PDHX: variants seen among roughly 807,000 people sequenced by gnomAD.
PDHX encodes pyruvate dehydrogenase protein X component, mitochondrial.
Under a neutral mutation model 55.3 loss-of-function variants are expected in PDHX, and 33 were observed. The observed-to-expected ratio is 0.60, with a 90% CI of 0.45 to 0.80. The LOEUF is 0.80. Among genes scored for constraint, PDHX ranks in the 30% least tolerant of loss-of-function variants. The pLI is 0.00. For missense variants in PDHX, 622 were observed against 619.9 expected, an observed-to-expected ratio of 1.00 and a Z score of -0.04; for synonymous variants, 226 against 219.4, an observed-to-expected ratio of 1.03 and a Z score of -0.27.
At chr11:34,933,674 C>G (rs1401339736) in intron 2 of PDHX, among the ~76,000 whole-genome samples, 1 of 152,130 alleles carries the variant, frequency 6.6e-6, no homozygotes, top group African/African-American at 2.4e-5. Flanking sequence ...TCAGTTCCCA[C>G]TAAAGTAAAT....
At chr11:34,964,484 A>G (rs1855084956) in intron 5 of PDHX, among the ~76,000 whole-genome samples, 1 of 152,130 alleles carries the variant, frequency 6.6e-6, no homozygotes, top group African/African-American at 2.4e-5. Context: ...CACACCTGTA[A>G]TCTCAGCTAC....
chr11:34,957,589 T>A lies in PDHX; in HGVS notation c.542+6T>A. On this transcript the variant is annotated splice_donor_region_variant and intron_variant, in intron 4 of 10. Transcript: ENST00000227868. ...CACATACCCGGGACACTACGGTGAGTATATATTTATTCAAAGGATGATGTA... is the reference window on the plus strand; with the variant it reads ...CACATACCCGGGACACTACGGTGAGAATATATTTATTCAAAGGATGATGTA... The A allele has an allele frequency of 1.2e-6, 2 of 1,605,744 alleles. No homozygotes were observed. Among genetic ancestry groups the A allele is most frequent in the African/African-American group, 2.7e-5 (2 of 74,794 alleles).
chr11:34,979,269 G>A (rs919652090), intron 8 of PDHX, among the ~76,000 whole-genome samples: 1 of 152,138 alleles, frequency 6.6e-6, no homozygotes, highest in Non-Finnish European at 1.5e-5. Flanking sequence ...TTACATTTGA[G>A]GAGCCTAACA....
At chr11:34,989,663 T>C (rs1855720432) in intron 9 of PDHX, among the ~76,000 whole-genome samples, 1 of 152,186 alleles carries the variant, frequency 6.6e-6, no homozygotes, top group African/African-American at 2.4e-5. Flanking sequence ...CTTTTTTTCA[T>C]CATTGGTTTC....
chr11:34,935,068 C>G (rs1057103358), intron 2 of PDHX, among the ~76,000 whole-genome samples: 1 of 151,944 alleles, frequency 6.6e-6, no homozygotes, highest in Non-Finnish European at 1.5e-5. Context: ...GAAACAAGAT[C>G]GGTCATGAAT....
chr11:34,971,077 T>G (rs1405931871), intron 7 of PDHX, among the ~76,000 whole-genome samples: 1 of 152,130 alleles, frequency 6.6e-6, no homozygotes, highest in African/African-American at 2.4e-5. Context: ...AAGTTTAAAA[T>G]CCAAAACTTT....
At chr11:34,937,376 G>A (rs572476927) in intron 2 of PDHX, among the ~76,000 whole-genome samples, 1 of 152,002 alleles carries the variant, frequency 6.6e-6, no homozygotes, top group Non-Finnish European at 1.5e-5. Flanking sequence ...CCCACATCTG[G>A]AGTGGTGAAT....
chr11:34,950,843 C>CATGT (rs1854745590), intron 3 of PDHX, among the ~76,000 whole-genome samples: 1 of 150,992 alleles, frequency 6.6e-6, no homozygotes. Flanking sequence ...CATACATGTG[C>CATGT]ATGTGTCTTT....
chr11:34,992,669 G>A (rs956681360), intron 10 of PDHX, among the ~76,000 whole-genome samples: 30 of 151,990 alleles, frequency 2.0e-4, no homozygotes, highest in Admixed American at 3.9e-4. Flanking sequence ...ATTAATGTCT[G>A]TAATATTATA....
chr11:34,994,994 G>A lies in PDHX; in HGVS notation c.1328G>A (p.Gly443Glu). The change falls in exon 11 of 11, where the codon GGG becomes GAG. Residue 443 changes from glycine (G) to glutamate (E), a missense_variant. Transcript: ENST00000227868. ...NPPQACILAV[G>E]RFRPVLKLTE... ...CCTCAGGCCTGCATTTTGGCGGTTG[G>A]GAGGTTCCGACCTGTGCTGAAGCTC... 1.2e-6 allele frequency: 2 copies of A among 1,614,010 alleles called. No individual in the cohort carries two copies. The highest frequency in any genetic ancestry group is 1.7e-6 in the Non-Finnish European group (2 of 1,179,932).
rs1480541943 is a variant in PDHX at position 34,918,320 on chromosome 11, C to CCAGCTACT, written c.160+1507_160+1514dup. The stretch of plus-strand genomic sequence containing the variant: ...AAAAAAAGCCAGGCGTGCTGGCATC[C>CCAGCTACT]CAGCTACTCCAGGGGCTGAGGCAGG... On this transcript the variant is annotated intron_variant, in intron 1 of 10. Transcript: ENST00000227868. 3.9e-5 allele frequency among the ~76,000 whole-genome samples: 6 copies of CCAGCTACT among 152,022 alleles called. No individual in the cohort carries two copies. In the East Asian group the frequency reaches 1.2e-3, roughly 29 times the overall value.
intron 8 of PDHX, among the ~76,000 whole-genome samples, chr11:34,983,326 A>G (rs113398678): frequency 0.047 from 7,160 of 152,236 alleles, 537 homozygotes; most frequent in African/African-American, 0.16. Flanking sequence ...CATACTGAAT[A>G]GGCAAAAACT....
In PDHX at chr11:34,939,160, CAA is replaced by C. The variant is rs542161219; in HGVS notation, c.241+7678_241+7679del. Among the ~76,000 whole-genome samples, 56 of 152,186 alleles carry C rather than the reference CAA, an allele frequency of 3.7e-4. No homozygotes were observed. In the East Asian group the frequency reaches 9.7e-3, roughly 26 times the overall value. ...TGCTCCATTCATTTTATATTAAAAA[CAA>C]ATTTATATTCTGACAGCATACTTTT... On this transcript the variant is annotated intron_variant, in intron 2 of 10. Coordinates refer to ENST00000227868, the MANE Select transcript of PDHX (RefSeq NM_003477.3).
chr11:34,947,613 T>G lies in PDHX; in HGVS notation c.342+7T>G, dbSNP rs1354360789. On this transcript the variant is annotated splice_region_variant and intron_variant, in intron 3 of 10. Coordinates refer to ENST00000227868, the MANE Select transcript of PDHX (RefSeq NM_003477.3). Reference sequence around the variant, plus strand: ...AATCTTGGCCAAAATCGTGGTAAGTTTTTATTTTAATTTTCTTCAACAGGA... The same window carrying G: ...AATCTTGGCCAAAATCGTGGTAAGTGTTTATTTTAATTTTCTTCAACAGGA... 3 of 1,569,202 alleles carry G rather than the reference T, an allele frequency of 1.9e-6. No homozygotes were observed.
chr11:34,920,026 A>G (rs1331203111), intron 1 of PDHX, among the ~76,000 whole-genome samples: 1 of 152,222 alleles, frequency 6.6e-6, no homozygotes, highest in East Asian at 1.9e-4. Context: ...TAAGTTTGAA[A>G]TGATCAGGAA....
chr11:34,958,202 G>A (rs933924577), intron 4 of PDHX, among the ~76,000 whole-genome samples: 1 of 151,634 alleles, frequency 6.6e-6, no homozygotes, highest in Non-Finnish European at 1.5e-5. Flanking sequence ...TTTTCTTTAC[G>A]AGAAAAAGAT....
chr11:34,917,388 A>G (rs3763929), intron 1 of PDHX, among the ~76,000 whole-genome samples: 28,806 of 152,212 alleles, frequency 0.19, 3,895 homozygotes, highest in African/African-American at 0.39. Flanking sequence ...TTGAAAGAGC[A>G]AACATTTAGG....
intron 7 of PDHX, among the ~76,000 whole-genome samples, chr11:34,975,981 A>C (rs1565166886): frequency 6.6e-6 from 1 of 152,180 alleles, no homozygotes; most frequent in Admixed American, 6.6e-5. Flanking sequence ...GAAAGTGAGA[A>C]GTTTCTAAAA....
chr11:34,916,318 T>G, upstream of PDHX: 1 of 1,608,558 alleles, frequency 6.2e-7, no homozygotes, highest in Non-Finnish European at 8.5e-7. Context: ...GCCTCCAATC[T>G]CCGCACGGCT....
Sources: gnomAD v4.1 joint callset for allele counts (sites outside exome capture counted in the v4.1 genomes callset) on GRCh38, gnomAD v4.1.1 for gene constraint, MANE v1.5 for transcripts, NCBI Gene and HGNC (gene_info 2026-07-23, HGNC 2026-07-21) for gene names.